The following CCSER1 variants were observed in gnomAD, a reference collection of about 807,000 sequenced individuals.
CCSER1 encodes serine-rich coiled-coil domain-containing protein 1.
In CCSER1, 41 loss-of-function variants were observed where a neutral mutation model predicts 82.0. That is an observed-to-expected ratio of 0.50 (90% CI 0.39 to 0.65). CCSER1 has a LOEUF of 0.65. CCSER1 is among the 30% of genes least tolerant of loss of function. The probability of loss-of-function intolerance (pLI) is 0.00; values close to 1 mark genes in which losing one functional copy is unlikely to be tolerated. For missense variants in CCSER1, 1,119 were observed against 1,064.2 expected (o/e 1.05, Z -0.72); for synonymous variants, 414 against 383.9 (o/e 1.08, Z -0.92).
chr4:90,307,884 A>C (rs1481885836), intron 1 of CCSER1, among the ~76,000 whole-genome samples: 1 of 152,182 alleles, frequency 6.6e-6, no homozygotes, highest in African/African-American at 2.4e-5. Context: ...ACTGCATCTA[A>C]ATAAATAAAC....
At chr4:90,561,121 ATACACAG>A (rs1339524115) in intron 5 of CCSER1, among the ~76,000 whole-genome samples, 1 of 152,240 alleles carries the variant, frequency 6.6e-6, no homozygotes, top group Non-Finnish European at 1.5e-5. Flanking sequence ...TCATAAGATA[ATACACAG>A]TTAATCTGTT....
At chr4:91,272,683 G>A (rs570064855) in intron 10 of CCSER1, among the ~76,000 whole-genome samples, 69 of 152,200 alleles carry the variant, frequency 4.5e-4, no homozygotes, top group Non-Finnish European at 8.4e-4. Flanking sequence ...AGCCATGCCC[G>A]AAGGGTTTTT....
intron 9 of CCSER1, among the ~76,000 whole-genome samples, chr4:90,929,372 C>T (rs1454562513): frequency 6.6e-6 from 1 of 151,894 alleles, no homozygotes; most frequent in African/African-American, 2.4e-5. Flanking sequence ...TTTTTATATC[C>T]AACAAGTATT....
At chr4:91,264,226 G>A (rs1309773278) in intron 10 of CCSER1, among the ~76,000 whole-genome samples, 3 of 151,622 alleles carry the variant, frequency 2.0e-5, no homozygotes, top group African/African-American at 7.3e-5. Flanking sequence ...GAACTGTAAA[G>A]AAGTGCTGCC....
At chr4:90,759,493 A>T (rs1372921299) in intron 7 of CCSER1, among the ~76,000 whole-genome samples, 1 of 152,230 alleles carries the variant, frequency 6.6e-6, no homozygotes, top group Non-Finnish European at 1.5e-5. Context: ...TAAACATTTA[A>T]TAGTAAATCT....
chr4:90,404,774 A>T (rs931864458), intron 4 of CCSER1, among the ~76,000 whole-genome samples: 2 of 152,172 alleles, frequency 1.3e-5, no homozygotes, highest in African/African-American at 4.8e-5. Flanking sequence ...CAATCACTGC[A>T]GTTCGGCTCT....
At chr4:90,822,007 A>G (rs920305184) in intron 8 of CCSER1, among the ~76,000 whole-genome samples, 1 of 152,320 alleles carries the variant, frequency 6.6e-6, no homozygotes, top group Admixed American at 6.5e-5. Context: ...ATGGTTTTAC[A>G]CTATGGATGA....
chr4:90,789,228 G>A (rs1235287244), intron 7 of CCSER1, among the ~76,000 whole-genome samples: 10 of 152,050 alleles, frequency 6.6e-5, no homozygotes, highest in Admixed American at 5.9e-4. Flanking sequence ...AATAAGCCTG[G>A]TGAAAACTAT....
chr4:90,387,084 T>C (rs1750173831), intron 3 of CCSER1, among the ~76,000 whole-genome samples: 1 of 152,156 alleles, frequency 6.6e-6, no homozygotes, highest in South Asian at 2.1e-4. Context: ...ATTACCAGAA[T>C]TATGAGTTCA....
rs571888720 is a variant in CCSER1 at position 90,640,574 on chromosome 4, G to C, written c.1932+12342G>C. ...CAGTTATGATATGATTAGGCTTTAC[G>C]TCCCCACCCAAATCTCATCTTGAAT... On this transcript the variant is annotated intron_variant, in intron 6 of 10. Coordinates refer to ENST00000509176, the MANE Select transcript of CCSER1 (RefSeq NM_001145065.2). Among the ~76,000 whole-genome samples, 173 of 152,098 alleles carry C rather than the reference G, an allele frequency of 1.1e-3. 1 individual carries two copies. Among genetic ancestry groups the C allele is most frequent in the African/African-American group, 3.9e-3 (161 of 41,502 alleles).
chr4:90,856,933 AT>A (rs200607986), intron 8 of CCSER1, among the ~76,000 whole-genome samples: 13,257 of 139,304 alleles, frequency 0.095, 1,180 homozygotes, highest in African/African-American at 0.24. Context: ...TCGGAGCTGG[AT>A]TTTTTTTTTT....
At chr4:90,977,521 A>G (rs1211021873) in intron 9 of CCSER1, among the ~76,000 whole-genome samples, 2 of 151,636 alleles carry the variant, frequency 1.3e-5, no homozygotes, top group Admixed American at 6.6e-5. Context: ...TAAATTGAAC[A>G]TGTATATTTG....
chr4:91,433,126 A>T (rs116910778), intron 10 of CCSER1, among the ~76,000 whole-genome samples: 2,381 of 152,294 alleles, frequency 0.016, 63 homozygotes, highest in Admixed American at 0.066. Flanking sequence ...ATTTTTAGTT[A>T]TATGAATGAA....
chr4:90,940,544 A>T (rs1731470270), intron 9 of CCSER1, among the ~76,000 whole-genome samples: 1 of 152,052 alleles, frequency 6.6e-6, no homozygotes, highest in South Asian at 2.1e-4. Flanking sequence ...ATTAACGGGG[A>T]TGTTGTTTTT....
chr4:90,442,024 A>G (rs1759961017), intron 4 of CCSER1, among the ~76,000 whole-genome samples: 1 of 152,202 alleles, frequency 6.6e-6, no homozygotes, highest in South Asian at 2.1e-4. Context: ...TCTCGGCCCT[A>G]TGAACTAATC....
intron 1 of CCSER1, among the ~76,000 whole-genome samples, chr4:90,156,250 A>C (rs1044659274): frequency 6.6e-6 from 1 of 152,054 alleles, no homozygotes; most frequent in African/African-American, 2.4e-5. Flanking sequence ...GTTTGTTATA[A>C]TTTCTGTTCT....
intron 7 of CCSER1, among the ~76,000 whole-genome samples, chr4:90,759,094 G>A (rs1514742): frequency 0.68 from 103,869 of 151,864 alleles, 35,748 homozygotes; most frequent in African/African-American, 0.76. Context: ...TCCTAAATTC[G>A]AAGATCCATT....
At chr4:90,277,876 T>C (rs1728122077) in intron 1 of CCSER1, among the ~76,000 whole-genome samples, 1 of 152,050 alleles carries the variant, frequency 6.6e-6, no homozygotes, top group Non-Finnish European at 1.5e-5. Context: ...CAAGAGAAAC[T>C]ATTAAAGGAG....
chr4:90,817,649 A>T (rs972683286), intron 8 of CCSER1, among the ~76,000 whole-genome samples: 19 of 152,212 alleles, frequency 1.2e-4, no homozygotes, highest in Middle Eastern at 3.4e-3. Flanking sequence ...CTTTAAAAAA[A>T]ATATAGTTTA....
Sources: allele counts gnomAD v4.1 joint callset (sites outside exome capture counted in the v4.1 genomes callset), GRCh38; gene constraint gnomAD v4.1.1; transcripts MANE v1.5; gene names NCBI Gene and HGNC (gene_info 2026-07-23, HGNC 2026-07-21).